Variants in RABGAP1L observed in about 807,000 individuals in gnomAD.
RABGAP1L encodes RAB GTPase activating protein 1 like, also known as rab GTPase-activating protein 1-like.
In RABGAP1L, 63 loss-of-function variants were observed where a neutral mutation model predicts 137.7. The ratio of observed to expected loss-of-function variants is 0.46; its 90% CI spans 0.37 to 0.56. RABGAP1L has a LOEUF of 0.56. Ranked by LOEUF, RABGAP1L falls within the 20% of genes least tolerant of loss-of-function variation. The probability of loss-of-function intolerance (pLI) is 0.00; values close to 1 mark genes in which losing one functional copy is unlikely to be tolerated. For missense variants in RABGAP1L, 1,095 were observed against 1,244.0 expected, an observed-to-expected ratio of 0.88 and a Z score of 1.80; for synonymous variants, 431 against 433.7, an observed-to-expected ratio of 0.99 and a Z score of 0.08.
chr1:174,354,444 G>A (rs764317865), intron 11 of RABGAP1L, among the ~76,000 whole-genome samples: 3 of 151,966 alleles, frequency 2.0e-5, no homozygotes, highest in Non-Finnish European at 2.9e-5. Context: ...ATTTATGTAT[G>A]TTCTTTCCTA....
At chr1:174,296,679 G>T (rs1288574034) in intron 10 of RABGAP1L, among the ~76,000 whole-genome samples, 1 of 152,148 alleles carries the variant, frequency 6.6e-6, no homozygotes, top group African/African-American at 2.4e-5. Flanking sequence ...TCAGTTTTAT[G>T]TGCTTAACAT....
intron 7 of RABGAP1L, among the ~76,000 whole-genome samples, chr1:174,269,722 C>G (rs935034323): frequency 1.3e-5 from 2 of 152,058 alleles, no homozygotes; most frequent in African/African-American, 2.4e-5. Flanking sequence ...TGTTGGATGT[C>G]TCTTCTATAC....
intron 19 of RABGAP1L, among the ~76,000 whole-genome samples, chr1:174,816,775 A>C (rs952753805): frequency 7.3e-6 from 1 of 137,372 alleles, no homozygotes; most frequent in Non-Finnish European, 1.5e-5. Context: ...CTCTGTCACC[A>C]GGCTGGAATG....
chr1:174,239,249 C>G (rs1042354524), intron 4 of RABGAP1L, among the ~76,000 whole-genome samples: 1 of 152,178 alleles, frequency 6.6e-6, no homozygotes, highest in African/African-American at 2.4e-5. Flanking sequence ...ACGCTGGGAG[C>G]TGTAGACCGG....
At chr1:174,550,945 C>CACACATATATAT (rs1666433434) in intron 13 of RABGAP1L, among the ~76,000 whole-genome samples, 1 of 70,520 alleles carries the variant, frequency 1.4e-5, no homozygotes, top group Non-Finnish European at 2.5e-5. Flanking sequence ...CATATATATA[C>CACACATATATAT]ACACATATAT....
intron 11 of RABGAP1L, chr1:174,366,970 C>A (rs771027566): frequency 2.6e-5 from 4 of 151,826 alleles, no homozygotes; most frequent in South Asian, 2.1e-4. Flanking sequence ...TTTTTTTAAA[C>A]CTTGAAAAAT....
At chr1:174,936,758 T>C (rs114690736) in intron 19 of RABGAP1L, among the ~76,000 whole-genome samples, 3,027 of 152,268 alleles carry the variant, frequency 0.02, 97 homozygotes, top group African/African-American at 0.067. Flanking sequence ...GAAACTTTAC[T>C]AAGAATTAGA....
intron 22 of RABGAP1L, among the ~76,000 whole-genome samples, chr1:174,978,364 C>T (rs1670826165): frequency 6.6e-6 from 1 of 152,152 alleles, no homozygotes; most frequent in African/African-American, 2.4e-5. Flanking sequence ...CTTGTTTCTG[C>T]CTCCAGAGAG....
intron 17 of RABGAP1L, among the ~76,000 whole-genome samples, chr1:174,737,844 A>G (rs1004518570): frequency 6.6e-6 from 1 of 152,206 alleles, no homozygotes; most frequent in African/African-American, 2.4e-5. Flanking sequence ...TCACATGGAA[A>G]GAGCGGGACC....
chr1:174,690,031 G>T (rs922449962), intron 15 of RABGAP1L, among the ~76,000 whole-genome samples: 1 of 152,134 alleles, frequency 6.6e-6, no homozygotes, highest in Non-Finnish European at 1.5e-5. Context: ...TAATTCTTAT[G>T]AAGTGCTTTT....
chr1:174,684,718 T>C (rs1243318802), intron 15 of RABGAP1L, among the ~76,000 whole-genome samples: 4 of 152,186 alleles, frequency 2.6e-5, no homozygotes, highest in Admixed American at 2.6e-4. Flanking sequence ...GGCTCACACC[T>C]GTAATCCCAA....
intron 18 of RABGAP1L, among the ~76,000 whole-genome samples, chr1:174,781,359 A>T (rs1686990517): frequency 6.6e-6 from 1 of 152,182 alleles, no homozygotes; most frequent in African/African-American, 2.4e-5. Context: ...TTGGCTACAT[A>T]AATGTCTTCT....
intron 19 of RABGAP1L, among the ~76,000 whole-genome samples, chr1:174,860,125 G>A (rs546408854): frequency 6.6e-6 from 1 of 152,068 alleles, no homozygotes; most frequent in Admixed American, 6.5e-5. Flanking sequence ...TCTTTATGTG[G>A]TTCTTATATG....
At position 174,885,899 on chromosome 1, in the gene RABGAP1L, G is replaced by A. The variant is rs536545295; in HGVS notation, c.2341-71558G>A. 4.1e-4 allele frequency among the ~76,000 whole-genome samples: 63 copies of A among 151,896 alleles called. 1 individual carries two copies. The highest frequency in any genetic ancestry group is 2.9e-4 in the African/African-American group (12 of 41,474). On this transcript the variant is annotated intron_variant, in intron 19 of 25. Coordinates refer to ENST00000681986, the MANE Select transcript of RABGAP1L (RefSeq NM_001366446.1). ...GGAGAATGGCGTGAACCTGGGAGGCGGAGCTTGCAGTGAGCCGAGATCGCA... is the reference window on the plus strand; with the variant it reads ...GGAGAATGGCGTGAACCTGGGAGGCAGAGCTTGCAGTGAGCCGAGATCGCA...
intron 24 of RABGAP1L, among the ~76,000 whole-genome samples, chr1:174,984,503 G>C (rs1163228773): frequency 6.6e-6 from 1 of 152,212 alleles, no homozygotes; most frequent in Non-Finnish European, 1.5e-5. Flanking sequence ...CACTTTGGGA[G>C]GCTGAGGTGG....
At chr1:174,243,085 G>A (rs1212978634) in intron 5 of RABGAP1L, 1 of 152,134 alleles carries the variant, frequency 6.6e-6, no homozygotes, top group Non-Finnish European at 1.5e-5. Context: ...GCAAGGAAAT[G>A]AGCTTTGAAG....
chr1:174,377,761 T>TC (rs753770112), intron 12 of RABGAP1L, among the ~76,000 whole-genome samples: 11 of 103,528 alleles, frequency 1.1e-4, no homozygotes, highest in African/African-American at 3.4e-4. Context: ...CTGCAACTCT[T>TC]TTTTTTTTTT....
chr1:174,660,589 A>G (rs528710420), intron 14 of RABGAP1L, among the ~76,000 whole-genome samples: 1 of 152,244 alleles, frequency 6.6e-6, no homozygotes, highest in East Asian at 1.9e-4. Flanking sequence ...TAAAGCCTAC[A>G]TTCTTACGGT....
intron 19 of RABGAP1L, among the ~76,000 whole-genome samples, chr1:174,821,011 C>G (rs890366213): frequency 1.3e-5 from 1 of 78,324 alleles, no homozygotes; most frequent in Non-Finnish European, 2.8e-5. Context: ...AGTGAGACTC[C>G]ATCTCAAAAA....
Sources: gnomAD v4.1 joint callset for allele counts (sites outside exome capture counted in the v4.1 genomes callset) on GRCh38, gnomAD v4.1.1 for gene constraint, MANE v1.5 for transcripts, NCBI Gene and HGNC (gene_info 2026-07-23, HGNC 2026-07-21) for gene names.